Variants in UNC93A observed in about 807,000 individuals in gnomAD.
UNC93A encodes the protein unc-93 homolog A.
A neutral mutation model predicts 47.5 loss-of-function variants in UNC93A; 43 were observed. That is an observed-to-expected ratio of 0.91 (90% CI 0.71 to 1.17). UNC93A has a LOEUF of 1.17. Among genes scored for constraint, UNC93A ranks in the 50% most tolerant of loss-of-function variants. The pLI, the probability that UNC93A is intolerant of heterozygous loss-of-function variation, is 0.00. For synonymous variants in UNC93A, 280 were observed against 258.0 expected (o/e 1.09, Z -0.82); for missense variants, 605 against 577.6 (o/e 1.05, Z -0.49).
intron 2 of UNC93A, 79 bp downstream of exon 2, chr6:167,294,777 A>T (rs529983962): frequency 2.1e-6 from 3 of 1,453,154 alleles, no homozygotes; most frequent in East Asian, 4.7e-5. Context: ...CATGAGTTGC[A>T]TTTGCACCTG....
chr6:167,291,628 C>T, intron 1 of UNC93A, 52 bp downstream of exon 1: 7 of 1,508,194 alleles, frequency 4.6e-6, no homozygotes, highest in Non-Finnish European at 6.3e-6. Flanking sequence ...TCCAAGAATC[C>T]CTGTGGTCAC....
chr6:167,286,751 GCGGATTGCCTGA>G (rs1282510720), upstream of UNC93A, among the ~76,000 whole-genome samples: 1 of 152,088 alleles, frequency 6.6e-6, no homozygotes, highest in African/African-American at 2.4e-5. Flanking sequence ...GCCGAGGCGG[GCGGATTGCCTGA>G]GCTCAAGAGT....
intron 1 of UNC93A, among the ~76,000 whole-genome samples, chr6:167,285,358 C>T (rs1302652937): frequency 6.6e-6 from 1 of 151,854 alleles, no homozygotes; most frequent in African/African-American, 2.4e-5. Flanking sequence ...CAGGGTTCAT[C>T]CCAGGGCCCA....
At chr6:167,289,060 T>A (rs568382661), upstream of UNC93A, among the ~76,000 whole-genome samples, 114 of 152,416 alleles carry the variant, frequency 7.5e-4, no homozygotes, top group African/African-American at 2.6e-3. Context: ...CTTTGGCCTT[T>A]GGCAGGTCAG....
At position 167,303,926 on chromosome 6, in the gene UNC93A, T is replaced by A; in HGVS notation, c.633T>A (p.Gly211=). ...TTTGCTATGTCCTTTCAGGGAGTGG[T>A]GTCCTGGCTGTCCTGATGATAGCTG... ...YTLLGIYTGS[G]VLAVLMIAAF... Residue 211 remains glycine, a synonymous_variant, in exon 5 of 8, where the codon GGT becomes GGA. Transcript: ENST00000230256. 1 of 1,613,830 alleles carries A rather than the reference T, an allele frequency of 6.2e-7. No individual in the cohort carries two copies. The highest frequency in any genetic ancestry group is 8.5e-7 in the Non-Finnish European group (1 of 1,179,974).
intron 5 of UNC93A, among the ~76,000 whole-genome samples, chr6:167,305,182 C>A (rs527670027): frequency 6.6e-6 from 1 of 152,214 alleles, no homozygotes; most frequent in Non-Finnish European, 1.5e-5. Flanking sequence ...TTCAGATAAA[C>A]CACAAATGTC....
At chr6:167,310,751 C>A (rs1169658152) in intron 7 of UNC93A, among the ~76,000 whole-genome samples, 1 of 152,126 alleles carries the variant, frequency 6.6e-6, no homozygotes, top group African/African-American at 2.4e-5. Context: ...CGTGATGGCA[C>A]ATGCCTGTAG....
chr6:167,293,753 A>G (rs1375815599), intron 1 of UNC93A, among the ~76,000 whole-genome samples: 1 of 152,108 alleles, frequency 6.6e-6, no homozygotes, highest in Non-Finnish European at 1.5e-5. Flanking sequence ...CCAAGGACAA[A>G]GGACGCTCTT....
intron 7 of UNC93A, among the ~76,000 whole-genome samples, chr6:167,314,277 T>A (rs1359741146): frequency 6.6e-6 from 1 of 152,258 alleles, no homozygotes; most frequent in African/African-American, 2.4e-5. Flanking sequence ...CAAAATTAAA[T>A]GCCATCCTCC....
intron 4 of UNC93A, among the ~76,000 whole-genome samples, chr6:167,300,620 T>G (rs2981972): frequency 0.52 from 78,719 of 151,934 alleles, 22,654 homozygotes; most frequent in East Asian, 0.77. Flanking sequence ...GCCACGGTTT[T>G]CTCTGGTCTG....
intron 7 of UNC93A, among the ~76,000 whole-genome samples, chr6:167,308,223 C>G (rs1260652178): frequency 1.3e-5 from 2 of 152,194 alleles, no homozygotes; most frequent in Non-Finnish European, 2.9e-5. Context: ...ACCCCTAGGA[C>G]AGCAGTCTCT....
chr6:167,299,337 G>C (rs1177973045), intron 4 of UNC93A, among the ~76,000 whole-genome samples: 3 of 152,052 alleles, frequency 2.0e-5, no homozygotes, highest in African/African-American at 7.2e-5. Context: ...CTCTGCCGGG[G>C]TCAGAGGTGA....
At chr6:167,278,113 G>A (rs1475932216) in intron 1 of UNC93A, among the ~76,000 whole-genome samples, 1 of 152,200 alleles carries the variant, frequency 6.6e-6, no homozygotes, top group African/African-American at 2.4e-5. Context: ...CAGACTTCCC[G>A]AGGGGTCCTG....
intron 4 of UNC93A, among the ~76,000 whole-genome samples, chr6:167,301,023 A>G (rs1211410392): frequency 2.6e-5 from 4 of 152,258 alleles, no homozygotes; most frequent in Non-Finnish European, 5.9e-5. Context: ...GCCATAGACA[A>G]CATGTAAGCA....
At chr6:167,296,389 A>T in intron 3 of UNC93A, 128 bp downstream of exon 3, 1 of 983,056 alleles carries the variant, frequency 1.0e-6, no homozygotes, top group South Asian at 1.5e-5. Context: ...GTCAGGCCCC[A>T]CAGGTGAGAT....
intron 1 of UNC93A, among the ~76,000 whole-genome samples, chr6:167,276,051 T>C (rs1157632373): frequency 1.5e-5 from 2 of 134,700 alleles, no homozygotes; most frequent in Non-Finnish European, 3.3e-5. Flanking sequence ...AGATCATTTT[T>C]TTCTTTTCTT....
At chr6:167,270,821 C>T (rs372565129), upstream of UNC93A, among the ~76,000 whole-genome samples, 46 of 152,318 alleles carry the variant, frequency 3.0e-4, no homozygotes, top group African/African-American at 1.1e-3. Flanking sequence ...GGCGCCCTCC[C>T]GCTGTGGAGT....
intron 7 of UNC93A, among the ~76,000 whole-genome samples, chr6:167,310,927 C>T (rs1212243696): frequency 1.3e-5 from 2 of 152,172 alleles, no homozygotes; most frequent in African/African-American, 4.8e-5. Context: ...TGAGAAGCTC[C>T]TGTGGACTTT....
chr6:167,281,954 C>T (rs1452368521), intron 1 of UNC93A, among the ~76,000 whole-genome samples: 1 of 152,154 alleles, frequency 6.6e-6, no homozygotes, highest in Non-Finnish European at 1.5e-5. Context: ...TAGATGACGA[C>T]CTCTACTTAT....
Sources: allele counts gnomAD v4.1 joint callset (sites outside exome capture counted in the v4.1 genomes callset), GRCh38; gene constraint gnomAD v4.1.1; transcripts MANE v1.5; gene names NCBI Gene and HGNC (gene_info 2026-07-23, HGNC 2026-07-21).